CD163L1: variants seen among roughly 807,000 people sequenced by gnomAD.
The protein encoded by CD163L1 is CD163 molecule like 1.
CD163L1 carries 124 observed loss-of-function variants against 165.4 expected under a neutral mutation model. The ratio of observed to expected loss-of-function variants is 0.75; its 90% CI spans 0.65 to 0.87. The LOEUF is 0.87. Ranked by LOEUF, CD163L1 falls within the 40% of genes least tolerant of loss-of-function variation. The probability of loss-of-function intolerance (pLI) is 0.00; values close to 1 mark genes in which losing one functional copy is unlikely to be tolerated. For missense variants in CD163L1, 1,525 were observed against 1,799.9 expected (o/e 0.85, Z 2.76); for synonymous variants, 585 against 662.2 (o/e 0.88, Z 1.79).
chr12:7,332,305 G>C, the CD163L1 span, among the ~76,000 whole-genome samples: 2 of 152,206 alleles, frequency 1.3e-5, no homozygotes, highest in Admixed American at 6.5e-5. Flanking sequence ...ATCTACATCT[G>C]ATTGGTGTAC....
At chr12:7,426,830 GAC>G (rs1948551647) in intron 4 of CD163L1, among the ~76,000 whole-genome samples, 1 of 152,066 alleles carries the variant, frequency 6.6e-6, no homozygotes, top group Admixed American at 6.6e-5. Context: ...TTAGTTTTAG[GAC>G]ACACATAGGC....
downstream of CD163L1, among the ~76,000 whole-genome samples, chr12:7,345,478 CTG>C (rs1946663861): frequency 6.6e-6 from 1 of 152,210 alleles, no homozygotes; most frequent in South Asian, 2.1e-4. Context: ...CTGGACTTCT[CTG>C]TTCATATCAC....
the CD163L1 span, among the ~76,000 whole-genome samples, chr12:7,336,737 C>G: frequency 6.6e-6 from 1 of 151,838 alleles, no homozygotes; most frequent in African/African-American, 2.4e-5. Context: ...GAATCAATAT[C>G]GTGAAAATGG....
chr12:7,345,126 AT>A (rs1358291012), downstream of CD163L1, among the ~76,000 whole-genome samples: 1 of 149,732 alleles, frequency 6.7e-6, no homozygotes, highest in Non-Finnish European at 1.5e-5. Flanking sequence ...TTCTCTACTG[AT>A]AATGCTTTTT....
chr12:7,410,810 A>C (rs1035884315), intron 4 of CD163L1, among the ~76,000 whole-genome samples: 2 of 151,500 alleles, frequency 1.3e-5, no homozygotes, highest in Admixed American at 6.6e-5. Flanking sequence ...AGCCTAGGCG[A>C]CAGAGCGAGA....
the CD163L1 span, chr12:7,328,684 C>G: frequency 5.8e-6 from 1 of 171,738 alleles, no homozygotes; most frequent in East Asian, 1.7e-4. Context: ...ATTTCATTTA[C>G]CTTGTGCCTG....
At chr12:7,437,531 T>C (rs1471608691) in intron 2 of CD163L1, among the ~76,000 whole-genome samples, 1 of 151,638 alleles carries the variant, frequency 6.6e-6, no homozygotes, top group African/African-American at 2.4e-5. Context: ...TTCCCCACCC[T>C]GTGTCCAAGT....
rs1465290282 is a variant in CD163L1 at position 7,355,124 on chromosome 12, G to A, written c.*31C>T. ...GTTGTCTCCTTCAAAGATATTTAGA[G>A]GTTGATCTGAAATTATAAAACAAGA... On this transcript the variant is annotated 3_prime_UTR_variant, in exon 20 of 20. Coordinates refer to ENST00000313599, the MANE Select transcript of CD163L1 (RefSeq NM_174941.6). The A allele has an allele frequency of 6.6e-6, 1 of 152,038 alleles. No individual in the cohort carries two copies. Among genetic ancestry groups the A allele is most frequent in the African/African-American group, 2.4e-5 (1 of 41,404 alleles). 9.4% of individuals were successfully genotyped at this position (152,038 alleles called of 1,614,324 possible).
Position 7,380,493 on chromosome 12 carries a change from T to C in CD163L1, c.2051-1195A>G, listed in dbSNP as rs754689981. 5.3e-5 allele frequency among the ~76,000 whole-genome samples: 8 copies of C among 152,148 alleles called. No individual in the cohort carries two copies. The East Asian group carries it at 1.5e-3, about 29-fold the overall frequency. On this transcript the variant is annotated intron_variant, in intron 8 of 19. Coordinates refer to ENST00000313599, the MANE Select transcript of CD163L1 (RefSeq NM_174941.6). ...GGCATTCACAGCAACATGGATGGAA[T>C]TGAAGACTATTATTCTAAGTGAAGT...
chr12:7,352,541 A>G (rs1946714664), downstream of CD163L1, among the ~76,000 whole-genome samples: 1 of 152,170 alleles, frequency 6.6e-6, no homozygotes, highest in Non-Finnish European at 1.5e-5. Flanking sequence ...CTTCAAAAGT[A>G]CTTGAACTTA....
chr12:7,368,736 G>A lies in CD163L1; in HGVS notation c.4072+197C>T. On this transcript the variant is annotated intron_variant, in intron 16 of 19. Coordinates refer to ENST00000313599, the MANE Select transcript of CD163L1 (RefSeq NM_174941.6). This position sits in a 1 kb window ranked among gnomAD's most constrained non-coding sequence, Gnocchi z 4.3. Reference sequence around the variant, plus strand: ...ATGAGAGTCTTATCCTTCTCTGCATGTAAAAAGGATTTTTCTAGAGAGAAG... The same window carrying A: ...ATGAGAGTCTTATCCTTCTCTGCATATAAAAAGGATTTTTCTAGAGAGAAG... 1 of 595,382 alleles carries A rather than the reference G, an allele frequency of 1.7e-6. No homozygotes were observed. The highest frequency in any genetic ancestry group is 3.0e-6 in the Non-Finnish European group (1 of 330,104). The allele number at this position is 595,382 out of a possible 1,614,324, so 36.9% of individuals were successfully genotyped here. A position where few individuals can be genotyped will look rare whatever the true frequency, so the allele number is the denominator to read the frequency against.
chr12:7,324,235 G>T, the CD163L1 span: 1 of 1,606,760 alleles, frequency 6.2e-7, no homozygotes, highest in South Asian at 1.1e-5. Flanking sequence ...TCTCTGTTCT[G>T]ACCAGACTAA....
At position 7,379,186 on chromosome 12, in the gene CD163L1, C is replaced by CT; in HGVS notation, c.2162_2163insA (p.Met721IlefsTer5). The stretch of plus-strand genomic sequence containing the variant: ...GCCTGCAAACAACTTCAGCAATGTT[C>CT]ATTCCCCAGCCATTAGCACACAGAA... On this transcript the variant is annotated frameshift_variant, in exon 9 of 20. Coordinates refer to ENST00000313599, the MANE Select transcript of CD163L1 (RefSeq NM_174941.6). LOFTEE classifies it high-confidence loss of function. 6.2e-7 allele frequency: 1 copy of CT among 1,614,170 alleles called. No individual in the cohort carries two copies. Among genetic ancestry groups the CT allele is most frequent in the African/African-American group, 1.3e-5 (1 of 75,032 alleles).
the CD163L1 span, among the ~76,000 whole-genome samples, chr12:7,340,528 C>T: frequency 8.6e-3 from 1,307 of 152,212 alleles, 17 homozygotes; most frequent in African/African-American, 0.03. Context: ...CACTGTAACT[C>T]CCAGTTGTTT....
chr12:7,326,774 A>G, the CD163L1 span, among the ~76,000 whole-genome samples: 1 of 152,214 alleles, frequency 6.6e-6, no homozygotes, highest in Admixed American at 6.5e-5. Flanking sequence ...CCTCACACTC[A>G]TAAACCACTT....
At chr12:7,343,849 C>G (rs1487007444), downstream of CD163L1, among the ~76,000 whole-genome samples, 2 of 152,190 alleles carry the variant, frequency 1.3e-5, no homozygotes, top group Admixed American at 1.3e-4. Context: ...AGAGTCTTAA[C>G]TCACTCCAAT....
chr12:7,398,710 G>C lies in CD163L1; in HGVS notation c.1409-126C>G. ...CAGGTGATATATTAGGCACACTTTT[G>C]AATGAAAAGTTTGGTTTTCTTTCTT... On this transcript the variant is annotated intron_variant, in intron 6 of 19. Transcript: ENST00000313599. The surrounding 1 kb of genome is among the most constrained non-coding windows in gnomAD (Gnocchi z 4.5). The C allele has an allele frequency of 1.4e-6, 1 of 721,410 alleles. No homozygotes were observed. Among genetic ancestry groups the C allele is most frequent in the South Asian group, 4.5e-5 (1 of 22,024 alleles). The allele number at this position is 721,410 out of a possible 1,614,324, so 44.7% of individuals were successfully genotyped here.
intron 8 of CD163L1, among the ~76,000 whole-genome samples, chr12:7,383,106 A>C (rs1947447259): frequency 6.6e-6 from 1 of 152,182 alleles, no homozygotes; most frequent in South Asian, 2.1e-4. Flanking sequence ...GTGAGCCTGA[A>C]AATGGCTTGC....
downstream of CD163L1, among the ~76,000 whole-genome samples, chr12:7,345,606 G>C (rs1946664864): frequency 6.6e-6 from 1 of 152,086 alleles, no homozygotes; most frequent in Admixed American, 6.5e-5. Flanking sequence ...CTATTACCAA[G>C]TTCTAAAGTT....
Sources: gnomAD v4.1 joint callset for allele counts (sites outside exome capture counted in the v4.1 genomes callset) on GRCh38, gnomAD v4.1.1 for gene constraint, Gnocchi (gnomAD v3.1) non-coding constraint, MANE v1.5 for transcripts, NCBI Gene and HGNC (gene_info 2026-07-23, HGNC 2026-07-21) for gene names.